Variants in SETD2 observed in about 807,000 individuals in gnomAD.
SETD2 encodes the protein SET domain containing 2, histone lysine methyltransferase.
In SETD2, 31 loss-of-function variants were observed where a neutral mutation model predicts 242.1. The observed-to-expected ratio is 0.13, with a 90% confidence interval of 0.10 to 0.17. The LOEUF (loss-of-function observed/expected upper bound fraction) is 0.17, where lower values mean the gene tolerates loss of function less well. Ranked by LOEUF, SETD2 falls within the 10% of genes least tolerant of loss-of-function variation. The pLI is 1.00. For missense variants in SETD2, 2,481 were observed against 3,046.3 expected, an observed-to-expected ratio of 0.81 and a Z score of 4.37; for synonymous variants, 1,006 against 1,066.5, an observed-to-expected ratio of 0.94 and a Z score of 1.11.
chr3:47,124,685 A>G, intron 2 of SETD2, 137 bp from the exon 3 acceptor site: 5 of 697,326 alleles, frequency 7.2e-6, no homozygotes, highest in South Asian at 3.0e-5. Flanking sequence ...TAAGCTATAT[A>G]TATCTTTATT....
At chr3:47,124,869 T>G (rs946807431) in intron 2 of SETD2, among the ~76,000 whole-genome samples, 2 of 152,204 alleles carry the variant, frequency 1.3e-5, no homozygotes, top group Non-Finnish European at 2.9e-5. Flanking sequence ...AAGAATTTTT[T>G]AAAAACCTGA....
Position 47,124,016 on chromosome 3 carries a change from G to A in SETD2, c.620C>T (p.Pro207Leu). The A allele has an allele frequency of 6.4e-7, 1 of 1,552,258 alleles. No individual in the cohort carries two copies. The highest frequency in any genetic ancestry group is 8.7e-7 in the Non-Finnish European group (1 of 1,147,108). ...AQATTLSSPA[P>L]VTEPVALPHT... ...TGGCAAGGCCACTGGCTCTGTTACT[G>A]GTGCTGGTGATGAGAGTGTTGTGGC... is the stretch of plus-strand genomic sequence containing the variant. The change falls in exon 3 of 21, where the codon CCA becomes CTA. Residue 207 changes from proline (P) to leucine (L), a missense_variant. By Grantham distance (98) the Pro-to-Leu change is moderately conservative. Coordinates refer to ENST00000409792, the MANE Select transcript of SETD2 (RefSeq NM_014159.7).
chr3:47,103,064 T>C (rs139660207), intron 7 of SETD2, among the ~76,000 whole-genome samples: 508 of 152,324 alleles, frequency 3.3e-3, no homozygotes, highest in Middle Eastern at 0.014. Flanking sequence ...GGTCTTCATA[T>C]TACTTAATAG....
intron 1 of SETD2, among the ~76,000 whole-genome samples, chr3:47,141,941 G>A (rs2043738897): frequency 1.3e-5 from 2 of 151,824 alleles, no homozygotes; most frequent in South Asian, 4.2e-4. Flanking sequence ...ACTACAAGTA[G>A]GGTAAAAGCT....
chr3:47,019,737 T>A, intron 19 of SETD2, 23 bp downstream of exon 19: 1 of 1,590,670 alleles, frequency 6.3e-7, no homozygotes, highest in Non-Finnish European at 8.6e-7. Flanking sequence ...AGGAGCTTAG[T>A]GCTTATATCC....
Position 47,016,890 on chromosome 3 carries a change from C to A in SETD2, c.*203G>T, listed in dbSNP as rs556616399. 1.4e-4 allele frequency: 78 copies of A among 562,982 alleles called. No individual in the cohort carries two copies. Among genetic ancestry groups the A allele is most frequent in the Admixed American group, 4.9e-4 (16 of 32,530 alleles). 34.9% of individuals were successfully genotyped at this position (562,982 alleles called of 1,614,324 possible). A position where few individuals can be genotyped will look rare whatever the true frequency, so the allele number is the denominator to read the frequency against. ...ACCTCTGATGGCTTCTAACCACATGCCAACAGCTCACAACTAGGTAATCAC... is the reference window on the plus strand; with the variant it reads ...ACCTCTGATGGCTTCTAACCACATGACAACAGCTCACAACTAGGTAATCAC... On this transcript the variant is annotated 3_prime_UTR_variant, in exon 21 of 21. Transcript: ENST00000409792.
At chr3:47,134,941 A>G (rs1338770615) in intron 1 of SETD2, among the ~76,000 whole-genome samples, 1 of 152,116 alleles carries the variant, frequency 6.6e-6, no homozygotes, top group African/African-American at 2.4e-5. Context: ...CATTTTAGAA[A>G]GGTAACACTT....
At chr3:47,126,111 C>G (rs1300171096) in intron 2 of SETD2, among the ~76,000 whole-genome samples, 1 of 152,164 alleles carries the variant, frequency 6.6e-6, no homozygotes, top group African/African-American at 2.4e-5. Flanking sequence ...CTCACTGCAA[C>G]CTCCTCCTCC....
intron 10 of SETD2, among the ~76,000 whole-genome samples, chr3:47,087,361 A>G (rs1157363862): frequency 6.6e-6 from 1 of 152,192 alleles, no homozygotes; most frequent in Admixed American, 6.5e-5. Context: ...ATTCAGGATG[A>G]AACTGTTCCA....
rs2106688851 is a variant in SETD2, at chr3:47,122,845, A to T, written c.1791T>A (p.Gly597=). The T allele has an allele frequency of 1.9e-6, 3 of 1,613,254 alleles. No individual in the cohort carries two copies. The highest frequency in any genetic ancestry group is 2.5e-6 in the Non-Finnish European group (3 of 1,179,624). Reference sequence around the variant, plus strand: ...TTTTATTAATCATTCTTAATTCACTACCTTTTGAACAAGGTGTCTGTAAAC... The same window carrying T: ...TTTTATTAATCATTCTTAATTCACTTCCTTTTGAACAAGGTGTCTGTAAAC... The part of the protein sequence containing the change: ...SFSLQTPCSK[G]SELRMINKNP... The change falls in exon 3 of 21, where the codon GGT becomes GGA. Residue 597 remains glycine, a synonymous_variant. Coordinates refer to ENST00000409792, the MANE Select transcript of SETD2 (RefSeq NM_014159.7).
At chr3:47,060,348 G>A (rs149379815) in intron 14 of SETD2, among the ~76,000 whole-genome samples, 222 of 152,252 alleles carry the variant, frequency 1.5e-3, no homozygotes, top group African/African-American at 5.1e-3. Context: ...GGTGGGTAGG[G>A]TTCTAAGGAA....
intron 1 of SETD2, among the ~76,000 whole-genome samples, chr3:47,134,600 T>C (rs961900500): frequency 6.6e-6 from 1 of 151,908 alleles, no homozygotes; most frequent in Non-Finnish European, 1.5e-5. Context: ...CGTATCTCAG[T>C]AGCACACAAC....
Position 47,123,850 on chromosome 3 carries a change from A to T in SETD2, c.786T>A (p.Ser262Arg), listed in dbSNP as rs2106713797. 1 of 1,549,896 alleles carries T rather than the reference A, an allele frequency of 6.5e-7. No homozygotes were observed. Among genetic ancestry groups the T allele is most frequent in the Non-Finnish European group, 8.7e-7 (1 of 1,145,544 alleles). ...ADTKQDTISN[S>R]LEEHVTQILN... ...ATATTTGAGTTACGTGTTCTTCTAA[A>T]CTATTAGATATAGTGTCCTGCTTAG... The change falls in exon 3 of 21, where the codon AGT (serine) becomes AGA (arginine). Residue 262 changes from serine to arginine, a missense_variant. Transcript: ENST00000409792.
intron 1 of SETD2, among the ~76,000 whole-genome samples, chr3:47,153,596 T>A (rs1019513368): frequency 9.9e-5 from 15 of 151,738 alleles, no homozygotes; most frequent in African/African-American, 3.6e-4. Flanking sequence ...ACAAAAAAAA[T>A]TTAAAAATTA....
At chr3:47,037,055 CATTCTTT>C (rs1256298568) in intron 18 of SETD2, among the ~76,000 whole-genome samples, 4 of 92,652 alleles carry the variant, frequency 4.3e-5, no homozygotes, top group Non-Finnish European at 8.1e-5. Flanking sequence ...TAAAAAAGGC[CATTCTTT>C]TTTTTTTTTT....
At chr3:47,026,769 A>G (rs956964061) in intron 18 of SETD2, among the ~76,000 whole-genome samples, 2 of 152,022 alleles carry the variant, frequency 1.3e-5, no homozygotes, top group African/African-American at 4.8e-5. Context: ...GAACACATGG[A>G]TACAGGAAGG....
chr3:47,088,499 T>C (rs892886636), intron 9 of SETD2, among the ~76,000 whole-genome samples: 3 of 151,858 alleles, frequency 2.0e-5, no homozygotes, highest in Non-Finnish European at 4.4e-5. Flanking sequence ...CAAGAACTTA[T>C]ATGAGTCAAG....
At chr3:47,110,140 T>C (rs1448411864) in intron 5 of SETD2, among the ~76,000 whole-genome samples, 1 of 151,934 alleles carries the variant, frequency 6.6e-6, no homozygotes, top group East Asian at 1.9e-4. Flanking sequence ...CTCAAAAACA[T>C]AATGCTAAGT....
chr3:47,117,298 A>T (rs2042901725), intron 3 of SETD2, among the ~76,000 whole-genome samples: 1 of 146,946 alleles, frequency 6.8e-6, no homozygotes, highest in African/African-American at 2.5e-5. Context: ...AAAAAAAAAC[A>T]TGAGAAGGGC....
Sources: allele counts gnomAD v4.1 joint callset (sites outside exome capture counted in the v4.1 genomes callset), GRCh38; gene constraint gnomAD v4.1.1; transcripts MANE v1.5; gene names NCBI Gene and HGNC (gene_info 2026-07-23, HGNC 2026-07-21).